ROBO1: variants seen among roughly 807,000 people sequenced by gnomAD.
The protein encoded by ROBO1 is roundabout homolog 1.
In ROBO1, 149 loss-of-function variants were observed where a neutral mutation model predicts 195.9. The observed-to-expected ratio is 0.76, with a 90% CI of 0.67 to 0.87. The LOEUF is 0.87. ROBO1 is among the 40% of genes least tolerant of loss of function. The pLI is 0.00. For synonymous variants in ROBO1, 816 were observed against 733.2 expected (o/e 1.11, Z -1.82); for missense variants, 1,933 against 2,068.3 (o/e 0.93, Z 1.27).
At chr3:79,573,482 T>C (rs1029866081) in intron 2 of ROBO1, among the ~76,000 whole-genome samples, 2 of 152,208 alleles carry the variant, frequency 1.3e-5, no homozygotes, top group African/African-American at 4.8e-5. Context: ...TCTTCAATTA[T>C]ATTTATTATT....
At chr3:79,566,098 C>T (rs1943081381) in intron 2 of ROBO1, among the ~76,000 whole-genome samples, 1 of 152,056 alleles carries the variant, frequency 6.6e-6, no homozygotes, top group South Asian at 2.1e-4. Flanking sequence ...TTAAAACCTA[C>T]AGAGCACTAT....
intron 2 of ROBO1, among the ~76,000 whole-genome samples, chr3:79,581,894 T>C (rs1943673628): frequency 6.6e-6 from 1 of 152,060 alleles, no homozygotes; most frequent in African/African-American, 2.4e-5. Context: ...CAAATATGTT[T>C]GTAGTCATTT....
intron 10 of ROBO1, among the ~76,000 whole-genome samples, chr3:78,678,986 C>T (rs9874564): frequency 0.034 from 5,210 of 151,852 alleles, 296 homozygotes; most frequent in African/African-American, 0.12. Context: ...CATGATCAAG[C>T]GGGCTTCATC....
chr3:78,785,110 C>G (rs1426703087), intron 4 of ROBO1, among the ~76,000 whole-genome samples: 1 of 152,158 alleles, frequency 6.6e-6, no homozygotes, highest in Non-Finnish European at 1.5e-5. Flanking sequence ...AGATACATGA[C>G]TGCCTAGAAA....
At chr3:79,076,264 T>A (rs2079171751) in intron 3 of ROBO1, among the ~76,000 whole-genome samples, 1 of 147,458 alleles carries the variant, frequency 6.8e-6, no homozygotes, top group South Asian at 2.1e-4. Context: ...ATATATAAAC[T>A]ATATATATAA....
chr3:78,826,530 G>A (rs1475083558), intron 4 of ROBO1, among the ~76,000 whole-genome samples: 5 of 152,146 alleles, frequency 3.3e-5, no homozygotes, highest in Non-Finnish European at 7.4e-5. Flanking sequence ...TACAAGGCGA[G>A]AGATGGTTGC....
At chr3:79,280,007 A>G (rs530144526) in intron 2 of ROBO1, among the ~76,000 whole-genome samples, 1 of 152,322 alleles carries the variant, frequency 6.6e-6, no homozygotes, top group East Asian at 1.9e-4. Context: ...AGAAAGTTAA[A>G]CACTGCAAAC....
At chr3:78,605,814 C>T (rs1280953590) in intron 29 of ROBO1, among the ~76,000 whole-genome samples, 1 of 152,166 alleles carries the variant, frequency 6.6e-6, no homozygotes, top group Non-Finnish European at 1.5e-5. Flanking sequence ...TTCAGGGCCA[C>T]CTAGTCAACC....
At chr3:79,151,011 G>C (rs2080758492) in intron 2 of ROBO1, among the ~76,000 whole-genome samples, 1 of 151,730 alleles carries the variant, frequency 6.6e-6, no homozygotes, top group South Asian at 2.1e-4. Flanking sequence ...ATTGAATCAT[G>C]GGGGTGGTTT....
chr3:79,075,633 A>G (rs1448222942), intron 3 of ROBO1, among the ~76,000 whole-genome samples: 2 of 151,852 alleles, frequency 1.3e-5, no homozygotes, highest in African/African-American at 4.8e-5. Flanking sequence ...GGTGTGCTAG[A>G]AGAAATAGTC....
chr3:78,680,278 A>T (rs972431413), intron 10 of ROBO1, among the ~76,000 whole-genome samples: 6 of 152,208 alleles, frequency 3.9e-5, no homozygotes, highest in African/African-American at 1.4e-4. Flanking sequence ...ATGGGCAAGG[A>T]CTTCATGTCT....
At chr3:78,852,433 CTT>C (rs2034124605) in intron 4 of ROBO1, among the ~76,000 whole-genome samples, 1 of 152,148 alleles carries the variant, frequency 6.6e-6, no homozygotes. Flanking sequence ...TGACAAAACT[CTT>C]TAACAGGAGA....
At chr3:78,757,429 A>G (rs1237846902) in intron 4 of ROBO1, among the ~76,000 whole-genome samples, 2 of 51,900 alleles carry the variant, frequency 3.9e-5, no homozygotes, top group East Asian at 1.9e-3. Flanking sequence ...AGGCATGCGC[A>G]CATGCACACA....
At chr3:79,515,340 G>A (rs900645897) in intron 2 of ROBO1, among the ~76,000 whole-genome samples, 5 of 152,180 alleles carry the variant, frequency 3.3e-5, no homozygotes, top group African/African-American at 4.8e-5. Context: ...CAAAATGAAT[G>A]AAGAATTTCC....
At chr3:79,346,641 A>C (rs2035130900) in intron 2 of ROBO1, among the ~76,000 whole-genome samples, 1 of 152,046 alleles carries the variant, frequency 6.6e-6, no homozygotes, top group Non-Finnish European at 1.5e-5. Context: ...AGAATTTTAC[A>C]ATGATATATT....
chr3:79,428,189 T>C (rs1050257640), intron 2 of ROBO1, among the ~76,000 whole-genome samples: 1 of 151,816 alleles, frequency 6.6e-6, no homozygotes, highest in African/African-American at 2.4e-5. Context: ...GGCAAACAGG[T>C]ATATAAAAAG....
intron 2 of ROBO1, among the ~76,000 whole-genome samples, chr3:79,472,783 T>C (rs752956884): frequency 3.5e-4 from 54 of 152,164 alleles, no homozygotes; most frequent in Non-Finnish European, 5.9e-4. Context: ...CCAAAGCTTC[T>C]TTCTGGAGAA....
intron 2 of ROBO1, among the ~76,000 whole-genome samples, chr3:79,567,239 C>T (rs1274391421): frequency 1.3e-5 from 2 of 152,056 alleles, no homozygotes; most frequent in Non-Finnish European, 2.9e-5. Flanking sequence ...ACAACCCACA[C>T]TGGTGTCTAT....
intron 2 of ROBO1, among the ~76,000 whole-genome samples, chr3:79,194,087 A>G (rs1420312350): frequency 1.3e-5 from 2 of 151,704 alleles, no homozygotes; most frequent in African/African-American, 4.8e-5. Flanking sequence ...CGTAGAGTGG[A>G]TCCCCTGATT....
Sources: gnomAD v4.1 joint callset for allele counts (sites outside exome capture counted in the v4.1 genomes callset) on GRCh38, gnomAD v4.1.1 for gene constraint, MANE v1.5 for transcripts, NCBI Gene and HGNC (gene_info 2026-07-23, HGNC 2026-07-21) for gene names.